EBF1: variants seen among roughly 807,000 people sequenced by gnomAD.
The protein encoded by EBF1 is EBF transcription factor 1.
A neutral mutation model predicts 68.4 loss-of-function variants in EBF1; 10 were observed. That is an observed-to-expected ratio of 0.15 (90% CI 0.09 to 0.25). The LOEUF (loss-of-function observed/expected upper bound fraction) is 0.25, where lower values mean the gene tolerates loss of function less well. Ranked by LOEUF, EBF1 falls within the 10% of genes least tolerant of loss-of-function variation. EBF1 has a pLI of 1.00. For synonymous variants in EBF1, 298 were observed against 299.8 expected, an observed-to-expected ratio of 0.99 and a Z score of 0.06; for missense variants, 509 against 794.4, an observed-to-expected ratio of 0.64 and a Z score of 4.32.
chr5:159,092,513 T>G (rs1252644791), intron 4 of EBF1, among the ~76,000 whole-genome samples: 2 of 152,214 alleles, frequency 1.3e-5, no homozygotes, highest in Non-Finnish European at 2.9e-5. Context: ...TTTGAAAAGG[T>G]GTGAAATACT....
At chr5:159,002,148 C>T (rs1330155968) in intron 6 of EBF1, among the ~76,000 whole-genome samples, 1 of 148,262 alleles carries the variant, frequency 6.7e-6, no homozygotes, top group Non-Finnish European at 1.5e-5. Context: ...AAACCACCCT[C>T]CCCCAAGCCT....
At chr5:158,778,320 T>C (rs189366272) in intron 9 of EBF1, among the ~76,000 whole-genome samples, 67 of 152,314 alleles carry the variant, frequency 4.4e-4, no homozygotes, top group Admixed American at 1.2e-3. Context: ...AAACTGGCAT[T>C]ATCTGGTTCT....
At chr5:158,800,631 C>T (rs1259519716) in intron 8 of EBF1, among the ~76,000 whole-genome samples, 1 of 152,114 alleles carries the variant, frequency 6.6e-6, no homozygotes, top group East Asian at 1.9e-4. Flanking sequence ...CCTGAGCCTC[C>T]CCTTCTCTCC....
Position 159,099,823 on chromosome 5 carries a change from T to TC in EBF1, c.-346_-345insG. 6.5e-6 allele frequency: 1 copy of TC among 155,010 alleles called. No individual in the cohort carries two copies. The highest frequency in any genetic ancestry group is 2.7e-5 in the African/African-American group (1 of 36,820). 9.6% of individuals were successfully genotyped at this position (155,010 alleles called of 1,614,324 possible). ...GGTGCTTTTTTTTTTTTTTTGCTTTTTTTTTTTTTTTTTTGTAATGATCAC... is the reference window on the plus strand; with the variant it reads ...GGTGCTTTTTTTTTTTTTTTGCTTTTCTTTTTTTTTTTTTTGTAATGATCAC... On this transcript the variant is annotated 5_prime_UTR_variant, in exon 1 of 16. Coordinates refer to ENST00000313708, the MANE Select transcript of EBF1 (RefSeq NM_024007.5).
intron 7 of EBF1, among the ~76,000 whole-genome samples, chr5:158,831,933 C>T (rs930428559): frequency 2.0e-5 from 3 of 152,082 alleles, no homozygotes; most frequent in Non-Finnish European, 4.4e-5. Context: ...TGAAGGAAGG[C>T]CAATGTGCTT....
At chr5:158,748,065 G>C (rs961886287) in intron 10 of EBF1, among the ~76,000 whole-genome samples, 3 of 152,110 alleles carry the variant, frequency 2.0e-5, no homozygotes, top group Admixed American at 2.0e-4. Context: ...AAAACAAATA[G>C]TAAAAGATGC....
chr5:158,857,046 A>T (rs967953611), intron 6 of EBF1, among the ~76,000 whole-genome samples: 17 of 152,154 alleles, frequency 1.1e-4, no homozygotes, highest in African/African-American at 4.1e-4. Context: ...TTCCTTTGTG[A>T]TCTGGAACAA....
At chr5:158,917,692 A>G (rs1287213076) in intron 6 of EBF1, among the ~76,000 whole-genome samples, 2 of 152,370 alleles carry the variant, frequency 1.3e-5, no homozygotes, top group African/African-American at 4.8e-5. Context: ...CTTCTATTAT[A>G]AAGACAAATA....
At chr5:158,939,528 A>G (rs1220794590) in intron 6 of EBF1, among the ~76,000 whole-genome samples, 2 of 152,188 alleles carry the variant, frequency 1.3e-5, no homozygotes, top group Non-Finnish European at 2.9e-5. Flanking sequence ...CCTGGATTTA[A>G]TTGAAATTTA....
intron 6 of EBF1, among the ~76,000 whole-genome samples, chr5:158,893,351 C>T (rs1389218202): frequency 1.3e-5 from 2 of 152,186 alleles, no homozygotes; most frequent in Non-Finnish European, 2.9e-5. Context: ...ATCTTCACAA[C>T]AGGACATTGC....
rs139879899 is a variant in EBF1 at position 158,899,396 on chromosome 5, C to T, written c.555-59286G>A. Among the ~76,000 whole-genome samples, 46 of 152,318 alleles carry T rather than the reference C, an allele frequency of 3.0e-4. No homozygotes were observed. In the East Asian group the frequency reaches 6.0e-3, roughly 20 times the overall value. On this transcript the variant is annotated intron_variant, in intron 6 of 15. Transcript: ENST00000313708. ...CAATCACGAAGCAGAAAGGCATTCC[C>T]GAATGGTGGGAATCACAGGAAGCAG...
At chr5:159,054,551 A>T (rs1774404597) in intron 6 of EBF1, among the ~76,000 whole-genome samples, 1 of 152,202 alleles carries the variant, frequency 6.6e-6, no homozygotes, top group Non-Finnish European at 1.5e-5. Flanking sequence ...AGGAATATAT[A>T]CTGTATTGTC....
intron 6 of EBF1, among the ~76,000 whole-genome samples, chr5:158,961,253 C>T (rs1326877856): frequency 2.0e-5 from 3 of 151,932 alleles, no homozygotes. Flanking sequence ...GCAATTTAGC[C>T]ACATATATCA....
At chr5:158,969,600 C>CAAA (rs61084099) in intron 6 of EBF1, among the ~76,000 whole-genome samples, 1 of 49,196 alleles carries the variant, frequency 2.0e-5, no homozygotes. Flanking sequence ...CCCATCTCTA[C>CAAA]AAAAAAAAAA....
chr5:158,898,065 C>T (rs1350024739), intron 6 of EBF1, among the ~76,000 whole-genome samples: 2 of 152,126 alleles, frequency 1.3e-5, no homozygotes, highest in Non-Finnish European at 1.5e-5. Flanking sequence ...AGTTTTGTTC[C>T]CCAGAAGACC....
intron 6 of EBF1, among the ~76,000 whole-genome samples, chr5:158,922,531 A>T (rs1366280827): frequency 6.6e-6 from 1 of 152,224 alleles, no homozygotes; most frequent in African/African-American, 2.4e-5. Context: ...GAATTAATGC[A>T]TCACTCTAGA....
intron 15 of EBF1, among the ~76,000 whole-genome samples, chr5:158,701,383 G>T (rs557760289): frequency 4.6e-5 from 7 of 151,330 alleles, no homozygotes; most frequent in Non-Finnish European, 1.0e-4. Context: ...AAAAATCTAA[G>T]CAGGCTTTTG....
At position 159,006,647 on chromosome 5, in the gene EBF1, T is replaced by TAAAAAAAAAAAAAAAA. The variant is rs36045942; in HGVS notation, c.554+66733_554+66748dup. Among the ~76,000 whole-genome samples, 15 of 56,204 alleles carry TAAAAAAAAAAAAAAAA rather than the reference T, an allele frequency of 2.7e-4. 4 individuals are homozygous for TAAAAAAAAAAAAAAAA. Among genetic ancestry groups the TAAAAAAAAAAAAAAAA allele is most frequent in the Admixed American group, 5.2e-4 (2 of 3,836 alleles). 36.9% of individuals were successfully genotyped at this position (56,204 alleles called of 152,430 possible). On this transcript the variant is annotated intron_variant, in intron 6 of 15. Coordinates refer to ENST00000313708, the MANE Select transcript of EBF1 (RefSeq NM_024007.5). ...CTCATATAACCAATCATAGCCATGT[T>TAAAAAAAAAAAAAAAA]AAAAAAAAAAAAAAAAAAAAAAAAA...
chr5:159,044,689 A>G (rs1464600567), intron 6 of EBF1, among the ~76,000 whole-genome samples: 2 of 152,220 alleles, frequency 1.3e-5, no homozygotes, highest in Non-Finnish European at 2.9e-5. Flanking sequence ...TTTCTCTCTG[A>G]GTCAAATAAG....
Sources: allele counts gnomAD v4.1 joint callset (sites outside exome capture counted in the v4.1 genomes callset), GRCh38; gene constraint gnomAD v4.1.1; transcripts MANE v1.5; gene names NCBI Gene and HGNC (gene_info 2026-07-23, HGNC 2026-07-21).